SERGEF: variants seen among roughly 807,000 people sequenced by gnomAD.
SERGEF encodes the protein secretion-regulating guanine nucleotide exchange factor.
A neutral mutation model predicts 50.0 loss-of-function variants in SERGEF; 51 were observed. The observed-to-expected ratio is 1.02, with a 90% confidence interval of 0.81 to 1.29. The LOEUF is 1.29. Among genes scored for constraint, SERGEF ranks in the 50% most tolerant of loss-of-function variants. The pLI, the probability that SERGEF is intolerant of heterozygous loss-of-function variation, is 0.00. For missense variants in SERGEF, 521 were observed against 557.0 expected (o/e 0.94, Z 0.65); for synonymous variants, 205 against 212.4 (o/e 0.97, Z 0.30).
At chr11:17,921,279 G>A (rs1852151164) in intron 9 of SERGEF, among the ~76,000 whole-genome samples, 2 of 152,096 alleles carry the variant, frequency 1.3e-5, no homozygotes, top group Admixed American at 1.3e-4. Context: ...TTATAAAGCA[G>A]GTCATTTATG....
At chr11:17,811,685 G>A (rs1849877033) in intron 10 of SERGEF, among the ~76,000 whole-genome samples, 1 of 152,230 alleles carries the variant, frequency 6.6e-6, no homozygotes, top group Non-Finnish European at 1.5e-5. Flanking sequence ...CGCTCCGGAG[G>A]CGAAGAATAC....
intron 1 of SERGEF, among the ~76,000 whole-genome samples, chr11:18,009,462 T>C (rs1006959976): frequency 1.3e-5 from 2 of 152,130 alleles, no homozygotes; most frequent in Non-Finnish European, 2.9e-5. Context: ...GGCATCAAAA[T>C]GGGAGGGCAA....
chr11:17,973,476 T>C (rs1034700714), intron 8 of SERGEF, among the ~76,000 whole-genome samples: 1 of 152,148 alleles, frequency 6.6e-6, no homozygotes, highest in Non-Finnish European at 1.5e-5. Context: ...GAAGCTCAGA[T>C]TAAGATCTCC....
rs531023622 is a variant in SERGEF, at chr11:17,983,724, G to T, written c.844+4873C>A. 3.8e-5 allele frequency among the ~76,000 whole-genome samples: 5 copies of T among 133,042 alleles called. No homozygotes were observed. In the East Asian group the frequency reaches 1.1e-3, roughly 30 times the overall value. 87.3% of individuals were successfully genotyped at this position (133,042 alleles called of 152,430 possible). A position where few individuals can be genotyped will look rare whatever the true frequency, so the allele number is the denominator to read the frequency against. ...TACCAAAAAAGAGCACAAAAGAGAGGTTTACGGTGCTATGAGAACAGAAAA... is the reference window on the plus strand; with the variant it reads ...TACCAAAAAAGAGCACAAAAGAGAGTTTTACGGTGCTATGAGAACAGAAAA... On this transcript the variant is annotated intron_variant, in intron 8 of 10. Transcript: ENST00000265965.
chr11:17,941,291 C>T (rs950885394), intron 9 of SERGEF, among the ~76,000 whole-genome samples: 8 of 152,122 alleles, frequency 5.3e-5, no homozygotes, highest in African/African-American at 1.2e-4. Flanking sequence ...GAAGTATATT[C>T]GCATTGTTCT....
At chr11:17,789,650 A>T (rs963551851) in intron 10 of SERGEF, among the ~76,000 whole-genome samples, 37 of 152,268 alleles carry the variant, frequency 2.4e-4, no homozygotes, top group African/African-American at 8.7e-4. Context: ...GACAATATGG[A>T]TGTGTAAGGA....
Position 17,918,700 on chromosome 11 carries a change from G to A in SERGEF, c.1012-40456C>T, listed in dbSNP as rs1479810619. On this transcript the variant is annotated intron_variant, in intron 9 of 10. Transcript: ENST00000265965. ...CTCTCTTTCTCTCCCCCTACCTACT[G>A]GAAGTTCAGAGAATGAAGTGATCAA... The A allele has an allele frequency of 6.6e-6, 3 of 454,018 alleles. No individual in the cohort carries two copies. In the East Asian group the frequency reaches 2.1e-4, roughly 32 times the overall value. The allele number at this position is 454,018 out of a possible 1,614,324, so 28.1% of individuals were successfully genotyped here. A position where few individuals can be genotyped will look rare whatever the true frequency, so the allele number is the denominator to read the frequency against.
intron 10 of SERGEF, among the ~76,000 whole-genome samples, chr11:17,829,995 G>GCT (rs1313621153): frequency 6.6e-6 from 1 of 152,186 alleles, no homozygotes; most frequent in Non-Finnish European, 1.5e-5. Flanking sequence ...TGTAAAAAGG[G>GCT]CTTTCCTCCT....
chr11:17,997,601 C>A (rs1853864665), intron 5 of SERGEF, among the ~76,000 whole-genome samples: 1 of 152,138 alleles, frequency 6.6e-6, no homozygotes, highest in Non-Finnish European at 1.5e-5. Flanking sequence ...GCATTATTCA[C>A]AATAGCTAAA....
intron 9 of SERGEF, among the ~76,000 whole-genome samples, chr11:17,939,937 A>G (rs942120169): frequency 6.6e-6 from 1 of 152,226 alleles, no homozygotes; most frequent in Admixed American, 6.5e-5. Context: ...AATGTCACCA[A>G]TATTTTCAGC....
At chr11:17,900,899 G>A (rs572023826) in intron 9 of SERGEF, among the ~76,000 whole-genome samples, 3 of 152,326 alleles carry the variant, frequency 2.0e-5, no homozygotes, top group East Asian at 1.9e-4. Flanking sequence ...AATAAAGAGG[G>A]AGGAGAGAAG....
chr11:17,830,321 T>A (rs1850270097), intron 10 of SERGEF, among the ~76,000 whole-genome samples: 1 of 152,248 alleles, frequency 6.6e-6, no homozygotes, highest in Non-Finnish European at 1.5e-5. Flanking sequence ...CTTCAGGGTT[T>A]GCCTTTCCTG....
intron 10 of SERGEF, chr11:17,856,599 C>G (rs560658973): frequency 6.6e-6 from 1 of 152,166 alleles, no homozygotes; most frequent in Non-Finnish European, 1.5e-5. Context: ...CTGCAGAGTA[C>G]CCAGGACAAG....
chr11:17,881,123 C>T (rs1851325843), intron 9 of SERGEF, among the ~76,000 whole-genome samples: 1 of 152,142 alleles, frequency 6.6e-6, no homozygotes, highest in Admixed American at 6.5e-5. Context: ...GAACTAAAAC[C>T]CAGGTCTGCC....
At chr11:17,845,322 C>T (rs1025008757) in intron 10 of SERGEF, among the ~76,000 whole-genome samples, 3 of 152,182 alleles carry the variant, frequency 2.0e-5, no homozygotes, top group Non-Finnish European at 2.9e-5. Flanking sequence ...CTCAGGCCAT[C>T]GGCCCTGGGG....
chr11:17,951,312 T>C (rs912767082), intron 9 of SERGEF, among the ~76,000 whole-genome samples: 7 of 152,200 alleles, frequency 4.6e-5, no homozygotes, highest in Non-Finnish European at 8.8e-5. Flanking sequence ...TATAACTCTA[T>C]GGGCAAGATA....
intron 9 of SERGEF, among the ~76,000 whole-genome samples, chr11:17,897,940 T>C (rs1274111193): frequency 2.6e-5 from 4 of 152,162 alleles, no homozygotes; most frequent in Non-Finnish European, 5.9e-5. Context: ...AAACGGTCTA[T>C]CAAAAGCACA....
chr11:18,000,339 C>T (rs563111834), intron 5 of SERGEF, among the ~76,000 whole-genome samples, 158 bp downstream of exon 5: 2 of 152,244 alleles, frequency 1.3e-5, no homozygotes, highest in Admixed American at 1.3e-4. Flanking sequence ...GTTCTAGCTA[C>T]TCAGGAGGCT....
chr11:17,991,850 C>T lies in SERGEF; in HGVS notation c.685+1081G>A, dbSNP rs1853716138. On this transcript the variant is annotated intron_variant, in intron 7 of 10. Coordinates refer to ENST00000265965, the MANE Select transcript of SERGEF (RefSeq NM_012139.4). This position sits in a 1 kb window ranked among gnomAD's most constrained non-coding sequence, Gnocchi z 4.9. ...ACCATTAATTTACATATATTATGGG[C>T]ACACCTGAATTTCCACATAAAACAC... Among the ~76,000 whole-genome samples the T allele has an allele frequency of 6.6e-6, 1 of 152,184 alleles. No homozygotes were observed. Among genetic ancestry groups the T allele is most frequent in the Admixed American group, 6.5e-5 (1 of 15,290 alleles).
Sources: allele counts gnomAD v4.1 joint callset (sites outside exome capture counted in the v4.1 genomes callset), GRCh38; gene constraint gnomAD v4.1.1; non-coding constraint Gnocchi (gnomAD v3.1); transcripts MANE v1.5; gene names NCBI Gene and HGNC (gene_info 2026-07-23, HGNC 2026-07-21).